CNTNAP2: variants seen among roughly 807,000 people sequenced by gnomAD.
The protein encoded by CNTNAP2 is contactin associated protein 2, also known as contactin-associated protein-like 2.
CNTNAP2 carries 98 observed loss-of-function variants against 155.2 expected under a neutral mutation model. The observed-to-expected ratio is 0.63, with a 90% CI of 0.54 to 0.75. The LOEUF (loss-of-function observed/expected upper bound fraction) is 0.75, where lower values mean the gene tolerates loss of function less well. Ranked by LOEUF, CNTNAP2 falls within the 30% of genes least tolerant of loss-of-function variation. CNTNAP2 has a pLI of 0.00. For missense variants in CNTNAP2, 1,727 were observed against 1,688.1 expected, an observed-to-expected ratio of 1.02 and a Z score of -0.40; for synonymous variants, 651 against 631.2, an observed-to-expected ratio of 1.03 and a Z score of -0.47.
intron 15 of CNTNAP2, among the ~76,000 whole-genome samples, chr7:148,043,203 C>A (rs370269329): frequency 8.5e-5 from 13 of 152,312 alleles, no homozygotes; most frequent in East Asian, 1.9e-4. Flanking sequence ...ACTTTACAGC[C>A]CTTGCAAAGC....
chr7:146,516,825 T>C (rs973819786), intron 1 of CNTNAP2, among the ~76,000 whole-genome samples: 4 of 151,962 alleles, frequency 2.6e-5, no homozygotes, highest in African/African-American at 9.7e-5. Context: ...TTTTATTGGC[T>C]ATAAATGAAA....
At chr7:146,191,191 G>A (rs1798698959) in intron 1 of CNTNAP2, among the ~76,000 whole-genome samples, 1 of 152,118 alleles carries the variant, frequency 6.6e-6, no homozygotes, top group Non-Finnish European at 1.5e-5. Context: ...GAGTAATAAA[G>A]GGAAAGAGTA....
chr7:148,413,446 A>ATTTT (rs1289336656), intron 23 of CNTNAP2, among the ~76,000 whole-genome samples: 2 of 108,164 alleles, frequency 1.8e-5, no homozygotes, highest in African/African-American at 7.4e-5. Context: ...ATATATATAT[A>ATTTT]TTGCTCCATA....
intron 21 of CNTNAP2, among the ~76,000 whole-genome samples, chr7:148,311,826 C>T (rs1797600437): frequency 6.6e-6 from 1 of 152,002 alleles, no homozygotes. Context: ...GGGTGAGGAA[C>T]AGGAAAGAAG....
intron 21 of CNTNAP2, among the ~76,000 whole-genome samples, chr7:148,295,681 C>T (rs62470576): frequency 0.33 from 47,319 of 144,874 alleles, 8,421 homozygotes; most frequent in African/African-American, 0.42. Context: ...TTAGTAGAGA[C>T]AGGGTTTCAC....
chr7:146,929,729 C>G (rs528682288), intron 3 of CNTNAP2, among the ~76,000 whole-genome samples: 4 of 152,178 alleles, frequency 2.6e-5, no homozygotes, highest in Admixed American at 6.5e-5. Flanking sequence ...ATAACCAATA[C>G]AGAGAAGTGC....
At chr7:147,256,696 A>C (rs1158270924) in intron 8 of CNTNAP2, among the ~76,000 whole-genome samples, 2 of 152,164 alleles carry the variant, frequency 1.3e-5, no homozygotes, top group Non-Finnish European at 2.9e-5. Context: ...GAGGACTAAC[A>C]TGTGAAGTTG....
intron 1 of CNTNAP2, among the ~76,000 whole-genome samples, chr7:146,584,060 C>A (rs1322173769): frequency 6.6e-6 from 1 of 152,110 alleles, no homozygotes; most frequent in East Asian, 1.9e-4. Context: ...GTTTTCATAT[C>A]TATTTCTTCA....
At chr7:146,883,707 A>G (rs575671367) in intron 3 of CNTNAP2, among the ~76,000 whole-genome samples, 3 of 152,308 alleles carry the variant, frequency 2.0e-5, no homozygotes, top group Non-Finnish European at 4.4e-5. Context: ...CTAAAGAGTT[A>G]AGAACATCAG....
chr7:146,867,318 A>G (rs540201274), intron 3 of CNTNAP2, among the ~76,000 whole-genome samples: 1 of 152,110 alleles, frequency 6.6e-6, no homozygotes, highest in South Asian at 2.1e-4. Context: ...GATGACCTCC[A>G]CCTAGTCCAT....
At chr7:148,111,474 G>A (rs1585131276) in intron 15 of CNTNAP2, among the ~76,000 whole-genome samples, 1 of 151,704 alleles carries the variant, frequency 6.6e-6, no homozygotes, top group East Asian at 1.9e-4. Context: ...TGAAAATAAA[G>A]CTGAGGAAAT....
intron 1 of CNTNAP2, among the ~76,000 whole-genome samples, chr7:146,467,003 C>T (rs1796726068): frequency 1.3e-5 from 2 of 152,146 alleles, no homozygotes; most frequent in African/African-American, 4.8e-5. Context: ...TTTATCTTGT[C>T]CCTCTTTAAA....
At chr7:148,323,173 A>T (rs1341502828) in intron 21 of CNTNAP2, among the ~76,000 whole-genome samples, 1 of 152,096 alleles carries the variant, frequency 6.6e-6, no homozygotes, top group Non-Finnish European at 1.5e-5. Flanking sequence ...AGGTTAAATA[A>T]CTAGTCCAAG....
chr7:148,105,711 C>T (rs1804199298), intron 15 of CNTNAP2, among the ~76,000 whole-genome samples: 1 of 151,468 alleles, frequency 6.6e-6, no homozygotes, highest in African/African-American at 2.4e-5. Flanking sequence ...CCTCATCTCC[C>T]AAGTAGCTGG....
chr7:147,202,600 C>A (rs1802944437), intron 8 of CNTNAP2, among the ~76,000 whole-genome samples: 1 of 152,052 alleles, frequency 6.6e-6, no homozygotes, highest in South Asian at 2.1e-4. Context: ...CACATATACA[C>A]CATGGAATAC....
chr7:147,684,408 A>G (rs1210439214), intron 13 of CNTNAP2, among the ~76,000 whole-genome samples: 1 of 151,928 alleles, frequency 6.6e-6, no homozygotes, highest in Non-Finnish European at 1.5e-5. Flanking sequence ...TTTCAAAAAA[A>G]TAATTATTTT....
chr7:147,094,441 A>G (rs934246244), intron 4 of CNTNAP2, among the ~76,000 whole-genome samples: 3 of 134,042 alleles, frequency 2.2e-5, no homozygotes, highest in Non-Finnish European at 4.6e-5. Context: ...TCTTGCTGTC[A>G]CCCAGGCTGG....
chr7:146,207,637 G>GTT (rs57881187), intron 1 of CNTNAP2, among the ~76,000 whole-genome samples: 10 of 122,364 alleles, frequency 8.2e-5, no homozygotes, highest in African/African-American at 2.7e-4. Context: ...ACAGGACTGT[G>GTT]TTTTTTTTTT....
intron 13 of CNTNAP2, among the ~76,000 whole-genome samples, chr7:147,853,569 T>C (rs1798986717): frequency 1.3e-5 from 2 of 152,340 alleles, no homozygotes; most frequent in South Asian, 4.1e-4. Context: ...ATATATGTTA[T>C]TTCTGTTTAA....
Sources: gnomAD v4.1 joint callset for allele counts (sites outside exome capture counted in the v4.1 genomes callset) on GRCh38, gnomAD v4.1.1 for gene constraint, MANE v1.5 for transcripts, NCBI Gene and HGNC (gene_info 2026-07-23, HGNC 2026-07-21) for gene names.